Variants in ZNF418 observed in about 807,000 individuals in gnomAD.
ZNF418 encodes zinc finger protein 418.
A neutral mutation model predicts 32.0 loss-of-function variants in ZNF418; 32 were observed. The observed-to-expected ratio is 1.00, with a 90% CI of 0.75 to 1.34. The LOEUF is 1.34. Ranked by LOEUF, ZNF418 falls within the 40% of genes most tolerant of loss-of-function variation. ZNF418 has a pLI of 0.00. For synonymous variants in ZNF418, 276 were observed against 270.7 expected (o/e 1.02, Z -0.19); for missense variants, 804 against 812.5 (o/e 0.99, Z 0.13).
Position 57,927,532 on chromosome 19 carries a change from C to G in ZNF418, c.649G>C (p.Val217Leu), listed in dbSNP as rs369233021. 2.5e-6 allele frequency: 4 copies of G among 1,614,198 alleles called. No homozygotes were observed. The highest frequency in any genetic ancestry group is 3.4e-6 in the Non-Finnish European group (4 of 1,180,040). Residue 217 changes from valine (V) to leucine (L), a missense_variant, in exon 4 of 6, where the codon GTA (valine) becomes CTA (leucine). Around this residue, in one of 3 missense-constraint regions of ZNF418, gnomAD observed 307 missense variants for 304.9 expected, o/e 1.01. Coordinates refer to ENST00000396147, the MANE Select transcript of ZNF418 (RefSeq NM_133460.3). The stretch of plus-strand genomic sequence containing the variant: ...GGAAGTCTCTGCTGTTGAACAAATA[C>G]GTGTTTGGTGCTAGAATGTTTCATG... ...ECMKHSSTKH[V>L]FVQQQRLPSR...
chr19:57,927,897 A>C lies in ZNF418; in HGVS notation c.284T>G (p.Leu95Trp). ...TGTCCCCTGATGATCTGCCAAGTGC[A>C]AAATGTCTCCCAAGATCGCGCCACA... ...EMCGAILGDI[L>W]HLADHQGTHH... Residue 95 changes from leucine (L) to tryptophan (W), a missense_variant, in exon 4 of 6, where the codon TTG becomes TGG. Physicochemically the swap from Leu to Trp is moderately conservative, Grantham distance 61. Coordinates refer to ENST00000396147, the MANE Select transcript of ZNF418 (RefSeq NM_133460.3). 1 of 1,614,118 alleles carries C rather than the reference A, an allele frequency of 6.2e-7. No individual in the cohort carries two copies. The highest frequency in any genetic ancestry group is 8.5e-7 in the Non-Finnish European group (1 of 1,180,026).
intron 2 of ZNF418, among the ~76,000 whole-genome samples, chr19:57,932,961 T>G (rs773630174): frequency 6.6e-6 from 1 of 152,244 alleles, no homozygotes; most frequent in East Asian, 1.9e-4. Context: ...ACATACCCTA[T>G]CTTCATGAGC....
intron 3 of ZNF418, among the ~76,000 whole-genome samples, chr19:57,928,537 T>C (rs1351509043): frequency 1.3e-5 from 2 of 152,016 alleles, no homozygotes; most frequent in African/African-American, 4.8e-5. Context: ...GTGCTGGGAT[T>C]ACAGGTGTAA....
chr19:57,930,661 T>C (rs1182509669), intron 2 of ZNF418, 107 bp from the exon 3 acceptor site: 4 of 1,529,750 alleles, frequency 2.6e-6, no homozygotes, highest in African/African-American at 1.4e-5. Context: ...CCCAAGATCC[T>C]CAGCACAGAG....
At position 57,926,577 on chromosome 19, in the gene ZNF418, T is replaced by C. The variant is rs1366730528; in HGVS notation, c.1604A>G (p.Glu535Gly). The C allele has an allele frequency of 6.2e-7, 1 of 1,613,968 alleles. No homozygotes were observed. The highest frequency in any genetic ancestry group is 1.7e-5 in the Admixed American group (1 of 60,000). ...LLRHRRVHTG[E>G]RPYECGECGK... is the part of the protein sequence containing the mutation. ...ACATTCTCCACATTCATAAGGCCTT[T>C]CTCCAGTATGAACTCTCCGATGTCG... Residue 535 changes from glutamate to glycine, a missense_variant, in exon 4 of 6, where the codon GAA becomes GGA. Glu to Gly is a moderately conservative substitution (Grantham distance 98). Coordinates refer to ENST00000396147, the MANE Select transcript of ZNF418 (RefSeq NM_133460.3).
chr19:57,925,561 C>A (rs746326868), intron 4 of ZNF418, 62 bp downstream of exon 4: 3 of 157,540 alleles, frequency 1.9e-5, no homozygotes, highest in Non-Finnish European at 2.8e-5. Context: ...AGTACTGAGA[C>A]AGATCCATGG....
In ZNF418 at chr19:57,935,210, A is replaced by T; in HGVS notation, c.-130T>A. On this transcript the variant is annotated 5_prime_UTR_variant, in exon 1 of 6. Coordinates refer to ENST00000396147, the MANE Select transcript of ZNF418 (RefSeq NM_133460.3). The stretch of plus-strand genomic sequence containing the variant: ...CGCCGCCATCCCGAGTACGCGGGGA[A>T]AGCACTGCCGGGAGCGGCGGGCGCC... The T allele has an allele frequency of 4.7e-6, 6 of 1,281,954 alleles. No homozygotes were observed. The highest frequency in any genetic ancestry group is 6.0e-6 in the Non-Finnish European group (6 of 996,218). The allele number at this position is 1,281,954 out of a possible 1,614,324, so 79.4% of individuals were successfully genotyped here. A position where few individuals can be genotyped will look rare whatever the true frequency, so the allele number is the denominator to read the frequency against.
At position 57,922,213 on chromosome 19, in the gene ZNF418, T is replaced by C. The variant is rs2072022788; in HGVS notation, c.*1042A>G. 5.6e-6 allele frequency: 1 copy of C among 178,956 alleles called. No individual in the cohort carries two copies. Among genetic ancestry groups the C allele is most frequent in the Non-Finnish European group, 1.2e-5 (1 of 85,932 alleles). 11.1% of individuals were successfully genotyped at this position (178,956 alleles called of 1,614,324 possible). A position where few individuals can be genotyped will look rare whatever the true frequency, so the allele number is the denominator to read the frequency against. On this transcript the variant is annotated 3_prime_UTR_variant, in exon 6 of 6. Transcript: ENST00000396147. ...GTCGAACTCCTGGCCTCCAGGATGTTCTTGCCTTAGTCTCCCAAAACACTG... is the reference window on the plus strand; with the variant it reads ...GTCGAACTCCTGGCCTCCAGGATGTCCTTGCCTTAGTCTCCCAAAACACTG...
Position 57,932,514 on chromosome 19 carries a change from A to C in ZNF418, c.6+1303T>G, listed in dbSNP as rs1448040805. On this transcript the variant is annotated intron_variant, in intron 2 of 5. Coordinates refer to ENST00000396147, the MANE Select transcript of ZNF418 (RefSeq NM_133460.3). ...CTTGCATGGCTCCACATCCCCACAG[A>C]ACCAGGTGGGGCTTTAGATATCCAT... is the stretch of plus-strand genomic sequence containing the variant. 3 of 1,535,352 alleles carry C rather than the reference A, an allele frequency of 2.0e-6. No individual in the cohort carries two copies. In the South Asian group the frequency reaches 3.6e-5, roughly 18 times the overall value.
At chr19:57,929,050 C>G (rs2072372120) in intron 3 of ZNF418, among the ~76,000 whole-genome samples, 1 of 152,042 alleles carries the variant, frequency 6.6e-6, no homozygotes, top group Non-Finnish European at 1.5e-5. Context: ...TGCTAATACA[C>G]AATGTGTATG....
intron 5 of ZNF418, among the ~76,000 whole-genome samples, 164 bp downstream of exon 5, chr19:57,923,028 T>C (rs1204059586): frequency 1.4e-5 from 2 of 141,784 alleles, no homozygotes; most frequent in African/African-American, 5.2e-5. Flanking sequence ...GGCCAGGCAC[T>C]ATGGCTCATG....
chr19:57,933,792 A>G lies in ZNF418; in HGVS notation c.6+25T>C, dbSNP rs375546575. 11 of 1,613,628 alleles carry G rather than the reference A, an allele frequency of 6.8e-6. No individual in the cohort carries two copies. In the African/African-American group the frequency reaches 8.0e-5, roughly 12 times the overall value. On this transcript the variant is annotated intron_variant, in intron 2 of 5. Transcript: ENST00000396147. ...TGAATCCAGCCACAGCTCCTTACTC[A>G]TTAATATGGTCCAGTAACCCTCACC...
At chr19:57,934,877 T>C (rs2072632110) in intron 1 of ZNF418, 1 of 492,500 alleles carries the variant, frequency 2.0e-6, no homozygotes, top group African/African-American at 2.0e-5. Context: ...AGCCTGCTCT[T>C]CCAGGAGAAG....
intron 4 of ZNF418, among the ~76,000 whole-genome samples, chr19:57,924,773 T>C (rs1046214027): frequency 6.6e-6 from 1 of 152,162 alleles, no homozygotes; most frequent in Non-Finnish European, 1.5e-5. Flanking sequence ...TTCGTGTCGA[T>C]CTCAGAAGCA....
At chr19:57,934,879 C>T in intron 1 of ZNF418, 1 of 501,392 alleles carries the variant, frequency 2.0e-6, no homozygotes, top group African/African-American at 2.0e-5. Context: ...CCTGCTCTTC[C>T]AGGAGAAGCT....
rs145212183 is a variant in ZNF418 at position 57,926,023 on chromosome 19, A to G, written c.*127T>C. The stretch of plus-strand genomic sequence containing the variant: ...CTGCAGTGGGAGCTCTTCTGTATGT[A>G]ATAAAACAAGACTTCTGCATAAAGA... On this transcript the variant is annotated 3_prime_UTR_variant, in exon 4 of 6. Transcript: ENST00000396147. 283 of 799,250 alleles carry G rather than the reference A, an allele frequency of 3.5e-4. No individual in the cohort carries two copies. The African/African-American group carries it at 4.3e-3, about 12-fold the overall frequency. 49.5% of individuals were successfully genotyped at this position (799,250 alleles called of 1,614,324 possible).
intron 2 of ZNF418, 120 bp from the exon 3 acceptor site, chr19:57,930,674 G>T: frequency 7.0e-6 from 10 of 1,432,442 alleles, no homozygotes; most frequent in Non-Finnish European, 9.6e-6. Context: ...GCACAGAGGA[G>T]AAACTAGTCC....
chr19:57,932,045 G>A (rs750561439), intron 2 of ZNF418, among the ~76,000 whole-genome samples: 1 of 152,228 alleles, frequency 6.6e-6, no homozygotes, highest in Non-Finnish European at 1.5e-5. Flanking sequence ...CATGGGGGTT[G>A]CACTGTGGAC....
At chr19:57,929,758 C>A (rs1201672274) in intron 3 of ZNF418, among the ~76,000 whole-genome samples, 4 of 151,766 alleles carry the variant, frequency 2.6e-5, no homozygotes, top group African/African-American at 7.3e-5. Context: ...TCTCAGCTCA[C>A]TGCAAGCTCC....
Sources: allele counts gnomAD v4.1 joint callset (sites outside exome capture counted in the v4.1 genomes callset), GRCh38; gene constraint gnomAD v4.1.1; regional missense constraint gnomAD v4.1.1; transcripts MANE v1.5; gene names NCBI Gene and HGNC (gene_info 2026-07-23, HGNC 2026-07-21).